The following ACAA2 variants were observed in gnomAD, a reference collection of about 807,000 sequenced individuals.
ACAA2 encodes 3-ketoacyl-CoA thiolase, mitochondrial.
A neutral mutation model predicts 44.8 loss-of-function variants in ACAA2; 35 were observed. The observed-to-expected ratio is 0.78, with a 90% confidence interval of 0.60 to 1.04. ACAA2 has a LOEUF of 1.04. Among genes scored for constraint, ACAA2 ranks in the 50% least tolerant of loss-of-function variants. The probability of loss-of-function intolerance (pLI) is 0.00; values close to 1 mark genes in which losing one functional copy is unlikely to be tolerated. For synonymous variants in ACAA2, 142 were observed against 166.5 expected, an observed-to-expected ratio of 0.85 and a Z score of 1.13; for missense variants, 468 against 482.6, an observed-to-expected ratio of 0.97 and a Z score of 0.28.
intron 1 of ACAA2, among the ~76,000 whole-genome samples, chr18:49,808,864 A>C (rs1242024177): frequency 6.6e-6 from 1 of 152,200 alleles, no homozygotes; most frequent in Non-Finnish European, 1.5e-5. Flanking sequence ...AACAGAAAAC[A>C]GTGTTCAATA....
chr18:49,799,274 G>A (rs1248895602), intron 2 of ACAA2, among the ~76,000 whole-genome samples: 2 of 152,040 alleles, frequency 1.3e-5, no homozygotes, highest in African/African-American at 4.8e-5. Flanking sequence ...AGCTGAAGCT[G>A]GACTGTACTG....
chr18:49,787,751 G>A (rs1010473494), intron 7 of ACAA2, among the ~76,000 whole-genome samples: 2 of 152,098 alleles, frequency 1.3e-5, no homozygotes, highest in Non-Finnish European at 2.9e-5. Context: ...TACCATAAAC[G>A]GCTTTAAGAT....
In ACAA2 at chr18:49,783,658, G is replaced by T; in HGVS notation, c.*189C>A. 1.8e-6 allele frequency: 1 copy of T among 543,354 alleles called. No homozygotes were observed. Among genetic ancestry groups the T allele is most frequent in the Admixed American group, 3.1e-5 (1 of 31,872 alleles). The allele number at this position is 543,354 out of a possible 1,614,324, so 33.7% of individuals were successfully genotyped here. A position where few individuals can be genotyped will look rare whatever the true frequency, so the allele number is the denominator to read the frequency against. On this transcript the variant is annotated 3_prime_UTR_variant, in exon 10 of 10. Coordinates refer to ENST00000285093, the MANE Select transcript of ACAA2 (RefSeq NM_006111.3). ...ATATTTCACTGGTTCAAATCTGAGA[G>T]AATGTACTTCTAGCATGGGCTCCTA...
At chr18:49,801,696 G>T (rs1462575165) in intron 2 of ACAA2, among the ~76,000 whole-genome samples, 1 of 149,244 alleles carries the variant, frequency 6.7e-6, no homozygotes, top group Non-Finnish European at 1.5e-5. Context: ...CTTTAGCAAT[G>T]ATCACATCAT....
rs113958964 is a variant in ACAA2 at position 49,807,945 on chromosome 18, A to T, written c.17-5092T>A. 4.2e-3 allele frequency among the ~76,000 whole-genome samples: 639 copies of T among 152,076 alleles called. 8 individuals are homozygous for T. Among genetic ancestry groups the T allele is most frequent in the African/African-American group, 0.014 (574 of 41,480 alleles). ...AACACCTAACTGATAAGGGACTGGT[A>T]TCCAAAACATACAAAGTGTTCTTAC... On this transcript the variant is annotated intron_variant, in intron 1 of 9. Transcript: ENST00000285093.
At chr18:49,795,532 G>A (rs965985520) in intron 4 of ACAA2, among the ~76,000 whole-genome samples, 1 of 151,990 alleles carries the variant, frequency 6.6e-6, no homozygotes, top group African/African-American at 2.4e-5. Context: ...TATACTACTA[G>A]AGGTCTGCTG....
rs1289141634 is a variant in ACAA2, at chr18:49,794,321, C to T, written c.536G>A (p.Cys179Tyr). ...AVKHKISREE[C>Y]DKYALQSQQR... Reference sequence around the variant, plus strand: ...CTGTGACTGCAGGGCATATTTGTCACATTCTTCTCTGCTTATTTTGTGTTT... The same window carrying T: ...CTGTGACTGCAGGGCATATTTGTCATATTCTTCTCTGCTTATTTTGTGTTT... The change falls in exon 5 of 10, where the codon TGT becomes TAT. Residue 179 changes from cysteine (C) to tyrosine (Y), a missense_variant. Transcript: ENST00000285093. The T allele has an allele frequency of 3.7e-6, 6 of 1,610,162 alleles. No homozygotes were observed. The South Asian group carries it at 5.5e-5, about 15-fold the overall frequency.
chr18:49,792,649 T>A (rs1340985366), intron 5 of ACAA2, among the ~76,000 whole-genome samples: 1 of 152,076 alleles, frequency 6.6e-6, no homozygotes, highest in Non-Finnish European at 1.5e-5. Context: ...GGTTTCTCCA[T>A]GTTGGCCATG....
chr18:49,797,597 AG>A lies in ACAA2; in HGVS notation c.184-4del, dbSNP rs1266996239. ...AAATATATAGCATCTGAAGAACTCT[AG>A]AAGAGAGAAGGAAAAGAAAAATAAT... On this transcript the variant is annotated splice_region_variant and splice_polypyrimidine_tract_variant and intron_variant, in intron 2 of 9. Coordinates refer to ENST00000285093, the MANE Select transcript of ACAA2 (RefSeq NM_006111.3). 46 of 1,584,112 alleles carry A rather than the reference AG, an allele frequency of 2.9e-5. No individual in the cohort carries two copies. The highest frequency in any genetic ancestry group is 3.8e-5 in the Non-Finnish European group (44 of 1,170,808).
At chr18:49,792,449 CTT>C in intron 5 of ACAA2, 122 bp from the exon 6 acceptor site, 4 of 943,536 alleles carry the variant, frequency 4.2e-6, no homozygotes, top group Non-Finnish European at 4.6e-6. Flanking sequence ...AATATTGAGT[CTT>C]TATTAATTTT....
intron 3 of ACAA2, 145 bp downstream of exon 3, chr18:49,797,321 G>T: frequency 5.8e-6 from 3 of 515,048 alleles, no homozygotes; most frequent in South Asian, 4.1e-5. Flanking sequence ...GCCCATGGCT[G>T]GAGTGCAGTG....
intron 6 of ACAA2, 108 bp downstream of exon 6, chr18:49,792,044 A>G: frequency 1.2e-6 from 1 of 850,476 alleles, no homozygotes; most frequent in African/African-American, 1.7e-5. Flanking sequence ...TATTAGTTTA[A>G]GCTAAACAAC....
intron 7 of ACAA2, among the ~76,000 whole-genome samples, 193 bp downstream of exon 7, chr18:49,791,277 G>C (rs910010622): frequency 4.6e-5 from 7 of 152,098 alleles, no homozygotes; most frequent in African/African-American, 7.2e-5. Context: ...CTTCCTCCAT[G>C]GAGTTTACAC....
At chr18:49,797,384 T>A in intron 3 of ACAA2, 82 bp downstream of exon 3, 3 of 1,329,184 alleles carry the variant, frequency 2.3e-6, no homozygotes, top group Non-Finnish European at 3.1e-6. Flanking sequence ...TCCCTAAAGC[T>A]AAAGTGTTAT....
chr18:49,808,844 CAT>C (rs1482607975), intron 1 of ACAA2, among the ~76,000 whole-genome samples: 1 of 152,196 alleles, frequency 6.6e-6, no homozygotes, highest in Non-Finnish European at 1.5e-5. Flanking sequence ...TCTTGATAAA[CAT>C]CTTAAACAAC....
intron 8 of ACAA2, among the ~76,000 whole-genome samples, chr18:49,787,080 C>CAAAT (rs1445085331): frequency 6.6e-6 from 1 of 151,796 alleles, no homozygotes; most frequent in Admixed American, 6.6e-5. Flanking sequence ...TTTGAATATT[C>CAAAT]AAATATAAAT....
rs1359819039 is a variant in ACAA2, at chr18:49,782,899, A to G, written c.*948T>C. 2.6e-5 allele frequency: 4 copies of G among 152,196 alleles called. No homozygotes were observed. The highest frequency in any genetic ancestry group is 6.5e-5 in the Admixed American group (1 of 15,280). The allele number at this position is 152,196 out of a possible 1,614,324, so 9.4% of individuals were successfully genotyped here. ...AATAAATGTATAACCCATAAATTCA[A>G]TTTAATCTTAATTAAAATTTCCAGT... On this transcript the variant is annotated 3_prime_UTR_variant, in exon 10 of 10. Transcript: ENST00000285093.
At chr18:49,783,984 G>T in intron 9 of ACAA2, 53 bp from the exon 10 acceptor site, 1 of 1,415,178 alleles carries the variant, frequency 7.1e-7, no homozygotes, top group Non-Finnish European at 1.0e-6. Flanking sequence ...TCAGATTAAT[G>T]AAATAGAACT....
chr18:49,788,227 C>A (rs987444446), intron 7 of ACAA2, among the ~76,000 whole-genome samples: 1 of 152,084 alleles, frequency 6.6e-6, no homozygotes, highest in African/African-American at 2.4e-5. Flanking sequence ...ATCTACTTCT[C>A]GACTTGTTCT....
Sources: gnomAD v4.1 joint callset for allele counts (sites outside exome capture counted in the v4.1 genomes callset) on GRCh38, gnomAD v4.1.1 for gene constraint, MANE v1.5 for transcripts, NCBI Gene and HGNC (gene_info 2026-07-23, HGNC 2026-07-21) for gene names.